Variants in C3orf70 observed in about 807,000 individuals in gnomAD.
C3orf70 encodes chromosome 3 open reading frame 70, also known as UPF0524 protein C3orf70.
In C3orf70, 15 loss-of-function variants were observed where a neutral mutation model predicts 20.7. The observed-to-expected ratio is 0.72, with a 90% CI of 0.48 to 1.11. The LOEUF is 1.11. Among genes scored for constraint, C3orf70 ranks in the 50% most tolerant of loss-of-function variants. The pLI is 0.00. For missense variants in C3orf70, 332 were observed against 317.6 expected (o/e 1.05, Z -0.34); for synonymous variants, 161 against 125.7 (o/e 1.28, Z -1.88).
At chr3:185,110,876 G>A (rs185143609) in intron 1 of C3orf70, among the ~76,000 whole-genome samples, 8 of 152,252 alleles carry the variant, frequency 5.3e-5, no homozygotes, top group Admixed American at 1.3e-4. Flanking sequence ...GAAACAATGC[G>A]AATGGCTGGC....
At position 185,082,645 on chromosome 3, in the gene C3orf70, T is replaced by C. The variant is rs1211747618; in HGVS notation, c.*362A>G. On this transcript the variant is annotated 3_prime_UTR_variant, in exon 2 of 2. Coordinates refer to ENST00000335012, the MANE Select transcript of C3orf70 (RefSeq NM_001025266.3). ...GCAAGAGTCTCTGTGAAGGACTGGC[T>C]ACCGAGAAAACACCGGCTCCTTCCC... 3 of 236,184 alleles carry C rather than the reference T, an allele frequency of 1.3e-5. No homozygotes were observed. The highest frequency in any genetic ancestry group is 2.3e-5 in the African/African-American group (1 of 43,720). 14.6% of individuals were successfully genotyped at this position (236,184 alleles called of 1,614,324 possible). A position where few individuals can be genotyped will look rare whatever the true frequency, so the allele number is the denominator to read the frequency against.
chr3:185,152,836 C>T lies in C3orf70; in HGVS notation c.-13G>A, dbSNP rs1717024378. The T allele has an allele frequency of 6.6e-7, 1 of 1,516,260 alleles. No individual in the cohort carries two copies. The highest frequency in any genetic ancestry group is 8.9e-7 in the Non-Finnish European group (1 of 1,127,466). 93.9% of individuals were successfully genotyped at this position (1,516,260 alleles called of 1,614,324 possible). ...CCGCCGCACTCATTTCCTCTCCCTC[C>T]GCGCGGAGCCGACACCGGGAGCCCG... On this transcript the variant is annotated 5_prime_UTR_variant, in exon 1 of 2. Coordinates refer to ENST00000335012, the MANE Select transcript of C3orf70 (RefSeq NM_001025266.3).
rs1232554841 is a variant in C3orf70, at chr3:185,082,104, AG to A, written c.*902del. ...CCAGACTTGAAGAACAATTAAAAGC[AG>A]AAAAATGTTGGGGAACCCACCAAGA... is the stretch of plus-strand genomic sequence containing the variant. On this transcript the variant is annotated 3_prime_UTR_variant, in exon 2 of 2. Transcript: ENST00000335012. 1 of 152,210 alleles carries A rather than the reference AG, an allele frequency of 6.6e-6. No homozygotes were observed. Among genetic ancestry groups the A allele is most frequent in the African/African-American group, 2.4e-5 (1 of 41,448 alleles). The allele number at this position is 152,210 out of a possible 1,614,324, so 9.4% of individuals were successfully genotyped here.
intron 1 of C3orf70, among the ~76,000 whole-genome samples, chr3:185,120,320 C>T (rs547789690): frequency 1.4e-4 from 22 of 152,180 alleles, no homozygotes; most frequent in South Asian, 4.1e-4. Flanking sequence ...AAGAACAAGA[C>T]GGACAAGATT....
At chr3:185,101,563 G>C (rs572585814) in intron 1 of C3orf70, among the ~76,000 whole-genome samples, 1 of 152,302 alleles carries the variant, frequency 6.6e-6, no homozygotes, top group South Asian at 2.1e-4. Context: ...GTCTGCTTCT[G>C]GGGAGGTCTC....
intron 1 of C3orf70, among the ~76,000 whole-genome samples, chr3:185,099,910 C>A (rs192529276): frequency 1.3e-5 from 2 of 152,226 alleles, no homozygotes; most frequent in African/African-American, 4.8e-5. Flanking sequence ...GGGGATGCAA[C>A]CCTAATTTCA....
intron 1 of C3orf70, among the ~76,000 whole-genome samples, chr3:185,115,004 A>G (rs1716146697): frequency 6.6e-6 from 1 of 152,258 alleles, no homozygotes; most frequent in Non-Finnish European, 1.5e-5. Flanking sequence ...TTATAAAATG[A>G]GAAGGTTAGA....
chr3:185,121,292 G>A (rs1716292555), intron 1 of C3orf70, among the ~76,000 whole-genome samples: 1 of 151,672 alleles, frequency 6.6e-6, no homozygotes, highest in East Asian at 1.9e-4. Context: ...TACTGCTCGG[G>A]TGACGGGTTC....
At position 185,098,996 on chromosome 3, in the gene C3orf70, C is replaced by A. The variant is rs1283178431; in HGVS notation, c.197-15433G>T. Among the ~76,000 whole-genome samples the A allele has an allele frequency of 2.0e-5, 3 of 152,210 alleles. No homozygotes were observed. The East Asian group carries it at 5.8e-4, about 29-fold the overall frequency. ...ATCACGTGAGCCAATTCCTTACGAT[C>A]AGCCAATACCCATCTATCTCTGTTT... On this transcript the variant is annotated intron_variant, in intron 1 of 1. Transcript: ENST00000335012.
At chr3:185,131,070 C>A (rs1716513177) in intron 1 of C3orf70, among the ~76,000 whole-genome samples, 1 of 152,136 alleles carries the variant, frequency 6.6e-6, no homozygotes, top group Non-Finnish European at 1.5e-5. Context: ...ATTTTATATT[C>A]CCACCAACAA....
At chr3:185,141,365 A>T (rs1018817581) in intron 1 of C3orf70, among the ~76,000 whole-genome samples, 4 of 152,170 alleles carry the variant, frequency 2.6e-5, no homozygotes, top group Non-Finnish European at 5.9e-5. Context: ...CTTAAAAAAA[A>T]AAACGAAACA....
chr3:185,109,914 T>C (rs1000997129), intron 1 of C3orf70, among the ~76,000 whole-genome samples: 1 of 152,080 alleles, frequency 6.6e-6, no homozygotes, highest in Non-Finnish European at 1.5e-5. Flanking sequence ...CAGACAGAGG[T>C]GCTACACAAC....
chr3:185,090,603 A>G (rs1208847468), intron 1 of C3orf70, among the ~76,000 whole-genome samples: 1 of 152,196 alleles, frequency 6.6e-6, no homozygotes, highest in African/African-American at 2.4e-5. Flanking sequence ...CTTTGACTTT[A>G]TATTTTGAAT....
chr3:185,082,631 T>G lies in C3orf70; in HGVS notation c.*376A>C. The G allele has an allele frequency of 4.4e-6, 1 of 225,030 alleles. No homozygotes were observed. Among genetic ancestry groups the G allele is most frequent in the Non-Finnish European group, 8.8e-6 (1 of 113,848 alleles). The allele number at this position is 225,030 out of a possible 1,614,324, so 13.9% of individuals were successfully genotyped here. A position where few individuals can be genotyped will look rare whatever the true frequency, so the allele number is the denominator to read the frequency against. ...TGCCAAAGGGAATGGCAAGAGTCTC[T>G]GTGAAGGACTGGCTACCGAGAAAAC... On this transcript the variant is annotated 3_prime_UTR_variant, in exon 2 of 2. Coordinates refer to ENST00000335012, the MANE Select transcript of C3orf70 (RefSeq NM_001025266.3).
At chr3:185,087,934 T>C (rs76044439) in intron 1 of C3orf70, among the ~76,000 whole-genome samples, 3,270 of 146,174 alleles carry the variant, frequency 0.022, 104 homozygotes, top group African/African-American at 0.08. Context: ...TTTTTTGAGA[T>C]GGAGTCTCTC....
At chr3:185,109,538 G>T (rs1235541711) in intron 1 of C3orf70, among the ~76,000 whole-genome samples, 1 of 152,142 alleles carries the variant, frequency 6.6e-6, no homozygotes, top group African/African-American at 2.4e-5. Flanking sequence ...CTCATCTGGG[G>T]ACAGATCAAA....
chr3:185,146,591 C>T (rs1716881395), intron 1 of C3orf70, among the ~76,000 whole-genome samples: 1 of 152,096 alleles, frequency 6.6e-6, no homozygotes, highest in African/African-American at 2.4e-5. Context: ...CCCGGCAGAA[C>T]CCTCATTCTT....
In C3orf70 at chr3:185,144,994, A is replaced by G. The variant is rs144071439; in HGVS notation, c.196+7634T>C. Among the ~76,000 whole-genome samples the G allele has an allele frequency of 6.0e-4, 92 of 152,348 alleles. No homozygotes were observed. The East Asian group carries it at 0.013, about 21-fold the overall frequency. On this transcript the variant is annotated intron_variant, in intron 1 of 1. Coordinates refer to ENST00000335012, the MANE Select transcript of C3orf70 (RefSeq NM_001025266.3). ...TCTACCCAAAGTCACCCTGCAAACAATAAGACTCACAGTTCAAACACAGGT... is the reference window on the plus strand; with the variant it reads ...TCTACCCAAAGTCACCCTGCAAACAGTAAGACTCACAGTTCAAACACAGGT...
chr3:185,130,692 A>G (rs2108602323), intron 1 of C3orf70, among the ~76,000 whole-genome samples: 1 of 152,238 alleles, frequency 6.6e-6, no homozygotes, highest in Admixed American at 6.5e-5. Context: ...TGGCCATTTC[A>G]TATAAGTGGA....
Sources: allele counts gnomAD v4.1 joint callset (sites outside exome capture counted in the v4.1 genomes callset), GRCh38; gene constraint gnomAD v4.1.1; transcripts MANE v1.5; gene names NCBI Gene and HGNC (gene_info 2026-07-23, HGNC 2026-07-21).